The following USP3 variants were observed in gnomAD, a reference collection of about 807,000 sequenced individuals.
USP3 encodes ubiquitin specific peptidase 3, also known as ubiquitin carboxyl-terminal hydrolase 3.
Under a neutral mutation model 72.3 loss-of-function variants are expected in USP3, and 20 were observed. The ratio of observed to expected loss-of-function variants is 0.28; its 90% confidence interval spans 0.19 to 0.40. The LOEUF (loss-of-function observed/expected upper bound fraction) is 0.40, where lower values mean the gene tolerates loss of function less well. Ranked by LOEUF, USP3 falls within the 10% of genes least tolerant of loss-of-function variation. The pLI is 1.00. For synonymous variants in USP3, 222 were observed against 225.3 expected, an observed-to-expected ratio of 0.99 and a Z score of 0.13; for missense variants, 479 against 633.9, an observed-to-expected ratio of 0.76 and a Z score of 2.62.
At chr15:63,568,455 T>A (rs1321837163) in intron 8 of USP3, among the ~76,000 whole-genome samples, 2 of 152,144 alleles carry the variant, frequency 1.3e-5, no homozygotes, top group African/African-American at 4.8e-5. Context: ...ATAAATGCAT[T>A]TCCTCACTAA....
Position 63,574,549 on chromosome 15 carries a change from C to T in USP3, c.1096+146C>T, listed in dbSNP as rs2066831499. On this transcript the variant is annotated intron_variant, in intron 11 of 14. Coordinates refer to ENST00000380324, the MANE Select transcript of USP3 (RefSeq NM_006537.4). The surrounding 1 kb of genome is among the most constrained non-coding windows in gnomAD (Gnocchi z 4.6). ...AAAAGTCAAACTTGAATGTCTTTTC[C>T]TACTCCCCAAAATGTTATTGAATAA... The T allele has an allele frequency of 5.5e-6, 3 of 550,246 alleles. No individual in the cohort carries two copies. Among genetic ancestry groups the T allele is most frequent in the African/African-American group, 2.0e-5 (1 of 50,834 alleles). 34.1% of individuals were successfully genotyped at this position (550,246 alleles called of 1,614,324 possible). A position where few individuals can be genotyped will look rare whatever the true frequency, so the allele number is the denominator to read the frequency against.
In USP3 at chr15:63,504,631, G is replaced by C; in HGVS notation, c.-109G>C. The C allele has an allele frequency of 2.1e-6, 2 of 957,662 alleles. No homozygotes were observed. Among genetic ancestry groups the C allele is most frequent in the Non-Finnish European group, 2.9e-6 (2 of 680,520 alleles). The allele number at this position is 957,662 out of a possible 1,614,324, so 59.3% of individuals were successfully genotyped here. ...AAGGGCTCGAGACGCAGCCGCCGTC[G>C]GCCGAGCGCCCGGCTAGAAGCGACA... On this transcript the variant is annotated 5_prime_UTR_variant, in exon 1 of 15. Transcript: ENST00000380324.
At chr15:63,511,912 T>C (rs2065787667) in intron 1 of USP3, among the ~76,000 whole-genome samples, 1 of 152,116 alleles carries the variant, frequency 6.6e-6, no homozygotes, top group African/African-American at 2.4e-5. Context: ...GTAAAAGTTA[T>C]AGTCTTTAGA....
In USP3 at chr15:63,588,267, G is replaced by T; in HGVS notation, c.1097-38G>T. 2 of 1,485,198 alleles carry T rather than the reference G, an allele frequency of 1.3e-6. No individual in the cohort carries two copies. The highest frequency in any genetic ancestry group is 1.8e-6 in the Non-Finnish European group (2 of 1,089,852). The allele number at this position is 1,485,198 out of a possible 1,614,324, so 92.0% of individuals were successfully genotyped here. ...CTACAGTACATTGCCTCTACAAAAG[G>T]CATCTTGTTTTAATGCTGCCAAAAT... On this transcript the variant is annotated intron_variant, in intron 11 of 14. Transcript: ENST00000380324. The surrounding 1 kb of genome is among the most constrained non-coding windows in gnomAD (Gnocchi z 4.6).
chr15:63,556,600 T>G, intron 4 of USP3, 67 bp from the exon 5 acceptor site: 1 of 1,304,788 alleles, frequency 7.7e-7, no homozygotes, highest in Admixed American at 2.5e-5. Flanking sequence ...CTGGAGTTTA[T>G]TCTTTCACCT....
chr15:63,586,963 C>T (rs930337961), intron 11 of USP3, among the ~76,000 whole-genome samples: 2 of 152,184 alleles, frequency 1.3e-5, no homozygotes, highest in African/African-American at 4.8e-5. Context: ...TCCTCTGCCA[C>T]ACCTTGCCTC....
chr15:63,524,159 A>G (rs1272707968), intron 1 of USP3, among the ~76,000 whole-genome samples: 1 of 152,252 alleles, frequency 6.6e-6, no homozygotes, highest in Non-Finnish European at 1.5e-5. Context: ...TAAAATATTG[A>G]TGTGATACAC....
chr15:63,568,000 T>G (rs1378118398), intron 8 of USP3, among the ~76,000 whole-genome samples: 2 of 152,134 alleles, frequency 1.3e-5, no homozygotes, highest in Non-Finnish European at 2.9e-5. Flanking sequence ...ATGACAGATT[T>G]AGGAGAAGGG....
At position 63,546,113 on chromosome 15, in the gene USP3, T is replaced by C. The variant is rs987907353; in HGVS notation, c.285-7602T>C. Among the ~76,000 whole-genome samples the C allele has an allele frequency of 9.2e-5, 14 of 152,258 alleles. No homozygotes were observed. The East Asian group carries it at 1.3e-3, about 15-fold the overall frequency. ...TAATGTAGGTAGTTCCTGACTTCTG[T>C]TTATTACATGAAGTCCTGTGTATAT... On this transcript the variant is annotated intron_variant, in intron 3 of 14. Transcript: ENST00000380324.
rs2066769030 is a variant in USP3 at position 63,570,933 on chromosome 15, CA to C, written c.908+355del. On this transcript the variant is annotated intron_variant, in intron 9 of 14. Transcript: ENST00000380324. This position sits in a 1 kb window ranked among gnomAD's most constrained non-coding sequence, Gnocchi z 4.4. ...TTCATATACCAAAATAATATTTGTT[CA>C]CTAAAAACAAAAGCTTAAAACATTT... Among the ~76,000 whole-genome samples, 1 of 152,116 alleles carries C rather than the reference CA, an allele frequency of 6.6e-6. No homozygotes were observed. The highest frequency in any genetic ancestry group is 2.4e-5 in the African/African-American group (1 of 41,422).
chr15:63,529,087 A>G lies in USP3; in HGVS notation c.92-3560A>G. On this transcript the variant is annotated intron_variant, in intron 1 of 14. Coordinates refer to ENST00000380324, the MANE Select transcript of USP3 (RefSeq NM_006537.4). This position sits in a 1 kb window ranked among gnomAD's most constrained non-coding sequence, Gnocchi z 4.2. The stretch of plus-strand genomic sequence containing the variant: ...TGTATGTTGCCCAGGCTGGCCTCGA[A>G]CTCTAGGCTCAAGTGATTCTTCTGC... 2.4e-6 allele frequency: 3 copies of G among 1,276,236 alleles called. No homozygotes were observed. The highest frequency in any genetic ancestry group is 3.1e-6 in the Non-Finnish European group (3 of 977,382). The allele number at this position is 1,276,236 out of a possible 1,614,324, so 79.1% of individuals were successfully genotyped here.
At chr15:63,554,025 A>T (rs555996036) in intron 4 of USP3, among the ~76,000 whole-genome samples, 2 of 152,294 alleles carry the variant, frequency 1.3e-5, no homozygotes, top group East Asian at 3.9e-4. Context: ...ACCATATCCA[A>T]GGTCCCAAGA....
Position 63,504,685 on chromosome 15 carries a change from C to G in USP3, c.-55C>G, listed in dbSNP as rs570123977. 3.3e-5 allele frequency: 49 copies of G among 1,467,388 alleles called. 1 individual carries two copies. In the East Asian group the frequency reaches 4.4e-4, roughly 13 times the overall value. 90.9% of individuals were successfully genotyped at this position (1,467,388 alleles called of 1,614,324 possible). A position where few individuals can be genotyped will look rare whatever the true frequency, so the allele number is the denominator to read the frequency against. ...GACGGAGCCTCCGGAGTTCCTCCGCCCCCACCTCGCCGGGTCCTGGAGCCG... is the reference window on the plus strand; with the variant it reads ...GACGGAGCCTCCGGAGTTCCTCCGCGCCCACCTCGCCGGGTCCTGGAGCCG... On this transcript the variant is annotated 5_prime_UTR_variant, in exon 1 of 15. Transcript: ENST00000380324.
intron 8 of USP3, among the ~76,000 whole-genome samples, chr15:63,567,731 T>G (rs932400024): frequency 6.6e-6 from 1 of 152,222 alleles, no homozygotes; most frequent in African/African-American, 2.4e-5. Flanking sequence ...TCCGTCTGCC[T>G]CAGCCTCCCA....
intron 8 of USP3, among the ~76,000 whole-genome samples, chr15:63,568,829 C>A (rs1163778816): frequency 2.0e-5 from 3 of 152,142 alleles, no homozygotes; most frequent in African/African-American, 7.2e-5. Context: ...GACTCATAAC[C>A]TACCTTTATA....
At chr15:63,568,862 C>G (rs77894631) in intron 8 of USP3, among the ~76,000 whole-genome samples, 1 of 152,084 alleles carries the variant, frequency 6.6e-6, no homozygotes, top group Admixed American at 6.5e-5. Context: ...GTTCCGTGAT[C>G]TCATGTAGTT....
intron 3 of USP3, among the ~76,000 whole-genome samples, chr15:63,542,480 AATAACT>A (rs1173758234): frequency 6.6e-6 from 1 of 152,048 alleles, no homozygotes; most frequent in Non-Finnish European, 1.5e-5. Flanking sequence ...TGTAGTTGGA[AATAACT>A]ATAACTTAAA....
In USP3 at chr15:63,537,027, A is replaced by T; in HGVS notation, c.155A>T (p.Tyr52Phe). 6.2e-7 allele frequency: 1 copy of T among 1,612,486 alleles called. No homozygotes were observed. Among genetic ancestry groups the T allele is most frequent in the Middle Eastern group, 1.7e-4 (1 of 6,046 alleles). Residue 52 changes from tyrosine (Y) to phenylalanine (F), a missense_variant and splice_region_variant, in exon 3 of 15, where the codon TAT (tyrosine) becomes TTT (phenylalanine). Tyr to Phe is a conservative substitution (Grantham distance 22, BLOSUM62 3). Coordinates refer to ENST00000380324, the MANE Select transcript of USP3 (RefSeq NM_006537.4). ...LTCSSVHCGR[Y>F]VNGHAKKHYE... ...AATTTTCATTTGGTTTTTGTAAGGT[A>T]TGTGAATGGCCATGCAAAAAAACAT...
chr15:63,545,101 A>G (rs1214288160), intron 3 of USP3, among the ~76,000 whole-genome samples: 2 of 152,220 alleles, frequency 1.3e-5, no homozygotes, highest in Non-Finnish European at 2.9e-5. Flanking sequence ...TATATAAAGT[A>G]TAAGTGTAAT....
Sources: gnomAD v4.1 joint callset for allele counts (sites outside exome capture counted in the v4.1 genomes callset) on GRCh38, gnomAD v4.1.1 for gene constraint, Gnocchi (gnomAD v3.1) non-coding constraint, MANE v1.5 for transcripts, NCBI Gene and HGNC (gene_info 2026-07-23, HGNC 2026-07-21) for gene names.